The following ZBTB7C variants were observed in gnomAD, a reference collection of about 807,000 sequenced individuals.
ZBTB7C encodes the protein zinc finger and BTB domain containing 7C, also known as zinc finger and BTB domain-containing protein 7C.
A neutral mutation model predicts 25.7 loss-of-function variants in ZBTB7C; 8 were observed. That is an observed-to-expected ratio of 0.31 (90% confidence interval 0.18 to 0.56). ZBTB7C has a LOEUF of 0.56. Ranked by LOEUF, ZBTB7C falls within the 20% of genes least tolerant of loss-of-function variation. The pLI, the probability that ZBTB7C is intolerant of heterozygous loss-of-function variation, is 0.91. For missense variants in ZBTB7C, 824 were observed against 855.2 expected, an observed-to-expected ratio of 0.96 and a Z score of 0.46; for synonymous variants, 394 against 369.0, an observed-to-expected ratio of 1.07 and a Z score of -0.78.
At chr18:48,392,558 T>C (rs2047926527) in intron 1 of ZBTB7C, among the ~76,000 whole-genome samples, 1 of 152,196 alleles carries the variant, frequency 6.6e-6, no homozygotes, top group East Asian at 1.9e-4. Flanking sequence ...CCTTTCAGGA[T>C]TGCTAAGTGG....
chr18:48,233,971 G>A (rs112989838), intron 2 of ZBTB7C, among the ~76,000 whole-genome samples: 2 of 152,100 alleles, frequency 1.3e-5, no homozygotes, highest in African/African-American at 2.4e-5. Flanking sequence ...CATTATCTCC[G>A]CTCAGTTCCT....
intron 3 of ZBTB7C, among the ~76,000 whole-genome samples, chr18:48,184,358 C>T (rs529181583): frequency 1.4e-4 from 21 of 152,282 alleles, no homozygotes; most frequent in African/African-American, 4.1e-4. Context: ...TTATGTGCAG[C>T]GGAAAGTCAG....
At chr18:48,351,002 C>T (rs1239255397) in intron 1 of ZBTB7C, among the ~76,000 whole-genome samples, 13 of 151,604 alleles carry the variant, frequency 8.6e-5, no homozygotes, top group African/African-American at 1.2e-4. Flanking sequence ...TGAACAATCT[C>T]GTATGTATAC....
intron 3 of ZBTB7C, among the ~76,000 whole-genome samples, chr18:48,045,244 C>A (rs2036423147): frequency 6.6e-6 from 1 of 152,228 alleles, no homozygotes; most frequent in Non-Finnish European, 1.5e-5. Flanking sequence ...ATGTGGAGAC[C>A]ACCCCAGCCC....
rs1332406375 is a variant in ZBTB7C at position 48,360,937 on chromosome 18, TCCAAGGGTCA to T, written c.-303-22549_-303-22540del. On this transcript the variant is annotated intron_variant, in intron 1 of 4. Coordinates refer to ENST00000590800, the MANE Select transcript of ZBTB7C (RefSeq NM_001318841.2). The stretch of plus-strand genomic sequence containing the variant: ...AGGCAGAAAGATGAAAGCTAGGGCA[TCCAAGGGTCA>T]CAGGTGTGTTTTGTTTTTCCTGGGG... Among the ~76,000 whole-genome samples the T allele has an allele frequency of 2.0e-5, 3 of 152,218 alleles. No individual in the cohort carries two copies. The East Asian group carries it at 5.8e-4, about 29-fold the overall frequency.
intron 1 of ZBTB7C, among the ~76,000 whole-genome samples, chr18:48,338,914 G>GA (rs1355191877): frequency 6.6e-6 from 1 of 151,200 alleles, no homozygotes; most frequent in South Asian, 2.1e-4. Context: ...AGTTTGTTGG[G>GA]GGGGGGGGGT....
rs149390893 is a variant in ZBTB7C at position 48,212,265 on chromosome 18, T to C, written c.-78-26270A>G. On this transcript the variant is annotated intron_variant, in intron 2 of 4. Transcript: ENST00000590800. ...GTTACATACTATATGATCCTAACTA[T>C]ATGACACTCTGGAAAAGACAGAACT... Among the ~76,000 whole-genome samples the C allele has an allele frequency of 2.0e-3, 312 of 152,246 alleles. 2 individuals are homozygous for C. Among genetic ancestry groups the C allele is most frequent in the African/African-American group, 7.3e-3 (302 of 41,516 alleles).
chr18:48,035,621 CG>C (rs1209922266), intron 4 of ZBTB7C, among the ~76,000 whole-genome samples: 1 of 152,210 alleles, frequency 6.6e-6, no homozygotes, highest in Non-Finnish European at 1.5e-5. Context: ...AAAAGGTGTG[CG>C]GGGGCCACCT....
intron 2 of ZBTB7C, among the ~76,000 whole-genome samples, chr18:48,332,476 T>C (rs1598890522): frequency 6.6e-6 from 1 of 152,180 alleles, no homozygotes; most frequent in Non-Finnish European, 1.5e-5. Context: ...GAGGCACATC[T>C]TTTTGAGCAA....
At chr18:48,163,943 C>T (rs565180137) in intron 3 of ZBTB7C, among the ~76,000 whole-genome samples, 3 of 152,196 alleles carry the variant, frequency 2.0e-5, no homozygotes, top group African/African-American at 7.2e-5. Context: ...TTGGCGGAGG[C>T]TCCTGCCAGG....
intron 2 of ZBTB7C, among the ~76,000 whole-genome samples, chr18:48,315,652 C>T (rs1203899771): frequency 1.3e-5 from 2 of 152,094 alleles, no homozygotes; most frequent in East Asian, 3.9e-4. Flanking sequence ...ATCCCACACT[C>T]CCGGTAGGAA....
rs1175078187 is a variant in ZBTB7C at position 48,225,470 on chromosome 18, T to C, written c.-78-39475A>G. Among the ~76,000 whole-genome samples, 6 of 152,202 alleles carry C rather than the reference T, an allele frequency of 3.9e-5. No individual in the cohort carries two copies. In the East Asian group the frequency reaches 1.2e-3, roughly 29 times the overall value. Reference sequence around the variant, plus strand: ...CGTTACAGACAATAAGGAAAGCAGCTCTGCTTTCGGTAGCATGGCTGGTTA... The same window carrying C: ...CGTTACAGACAATAAGGAAAGCAGCCCTGCTTTCGGTAGCATGGCTGGTTA... On this transcript the variant is annotated intron_variant, in intron 2 of 4. Coordinates refer to ENST00000590800, the MANE Select transcript of ZBTB7C (RefSeq NM_001318841.2).
At chr18:48,088,857 G>A (rs1187378869) in intron 3 of ZBTB7C, among the ~76,000 whole-genome samples, 2 of 151,810 alleles carry the variant, frequency 1.3e-5, no homozygotes, top group African/African-American at 2.4e-5. Flanking sequence ...AAAAAAAGAA[G>A]GAAATTATGG....
intron 3 of ZBTB7C, among the ~76,000 whole-genome samples, chr18:48,146,257 T>C (rs1387340304): frequency 1.3e-5 from 2 of 152,194 alleles, no homozygotes; most frequent in African/African-American, 4.8e-5. Context: ...ATAATAATTA[T>C]GTTTTATAAT....
chr18:48,128,924 C>T (rs2039896050), intron 3 of ZBTB7C, among the ~76,000 whole-genome samples: 1 of 152,038 alleles, frequency 6.6e-6, no homozygotes, highest in Non-Finnish European at 1.5e-5. Context: ...TACAGACACC[C>T]TGAGAAGGGG....
At chr18:48,289,154 T>G (rs1441364121) in intron 2 of ZBTB7C, among the ~76,000 whole-genome samples, 1 of 152,168 alleles carries the variant, frequency 6.6e-6, no homozygotes, top group African/African-American at 2.4e-5. Flanking sequence ...TCCAGGAGTG[T>G]AAATGAGCTT....
chr18:48,408,225 G>C (rs1266218180), intron 1 of ZBTB7C: 3 of 152,300 alleles, frequency 2.0e-5, no homozygotes, highest in Admixed American at 1.3e-4. Flanking sequence ...CAAAGATAAC[G>C]GGAGCTGCCG....
At chr18:48,240,388 T>C (rs965223967) in intron 2 of ZBTB7C, among the ~76,000 whole-genome samples, 9 of 152,268 alleles carry the variant, frequency 5.9e-5, no homozygotes, top group East Asian at 5.8e-4. Context: ...CCTAGGCACA[T>C]AGTCATCAGG....
chr18:48,163,049 G>A (rs1375751173), intron 3 of ZBTB7C, among the ~76,000 whole-genome samples: 2 of 152,190 alleles, frequency 1.3e-5, no homozygotes, highest in Non-Finnish European at 2.9e-5. Flanking sequence ...GGGCCCGTTG[G>A]TCCTCAGTGA....
Sources: gnomAD v4.1 joint callset for allele counts (sites outside exome capture counted in the v4.1 genomes callset) on GRCh38, gnomAD v4.1.1 for gene constraint, MANE v1.5 for transcripts, NCBI Gene and HGNC (gene_info 2026-07-23, HGNC 2026-07-21) for gene names.